The following ARHGAP20 variants were observed in gnomAD, a reference collection of about 807,000 sequenced individuals.
The protein encoded by ARHGAP20 is rho GTPase-activating protein 20.
ARHGAP20 carries 34 observed loss-of-function variants against 73.7 expected under a neutral mutation model. The observed-to-expected ratio is 0.46, with a 90% CI of 0.35 to 0.61. The LOEUF (loss-of-function observed/expected upper bound fraction) is 0.61, where lower values mean the gene tolerates loss of function less well. ARHGAP20 is among the 20% of genes least tolerant of loss of function. ARHGAP20 has a pLI of 0.00. For synonymous variants in ARHGAP20, 523 were observed against 518.2 expected (o/e 1.01, Z -0.13); for missense variants, 1,314 against 1,420.9 (o/e 0.92, Z 1.21).
At chr11:110,640,910 AT>A (rs1005197556) in intron 2 of ARHGAP20, among the ~76,000 whole-genome samples, 14 of 152,230 alleles carry the variant, frequency 9.2e-5, no homozygotes, top group Admixed American at 1.3e-4. Context: ...AATGAAAAAA[AT>A]AAATAATAAA....
chr11:110,674,721 T>G (rs1284348398), intron 2 of ARHGAP20, among the ~76,000 whole-genome samples: 2 of 152,094 alleles, frequency 1.3e-5, no homozygotes, highest in Admixed American at 6.6e-5. Flanking sequence ...CAAGGGATAC[T>G]CAACCCTTAT....
At chr11:110,586,358 A>C in intron 11 of ARHGAP20, 33 bp from the exon 12 acceptor site, 1 of 1,339,136 alleles carries the variant, frequency 7.5e-7, no homozygotes, top group Non-Finnish European at 1.0e-6. Context: ...TATTTCAAAT[A>C]ATTATCCTCA....
chr11:110,700,520 A>G (rs1950422971), intron 1 of ARHGAP20, among the ~76,000 whole-genome samples: 1 of 151,918 alleles, frequency 6.6e-6, no homozygotes, highest in African/African-American at 2.4e-5. Flanking sequence ...CCACTGAACA[A>G]TTATACTTCA....
At position 110,578,799 on chromosome 11, in the gene ARHGAP20, T is replaced by C. The variant is rs1260632457; in HGVS notation, c.*571A>G. On this transcript the variant is annotated 3_prime_UTR_variant, in exon 15 of 15. Transcript: ENST00000683387. Reference sequence around the variant, plus strand: ...CTAGCTGTAGCAATGGGCTGGTTCTTGGAATGATTCTGTAAGGACACGTGA... The same window carrying C: ...CTAGCTGTAGCAATGGGCTGGTTCTCGGAATGATTCTGTAAGGACACGTGA... The C allele has an allele frequency of 1.0e-6, 1 of 985,672 alleles. No individual in the cohort carries two copies. Among genetic ancestry groups the C allele is most frequent in the Non-Finnish European group, 1.2e-6 (1 of 829,986 alleles). The allele number at this position is 985,672 out of a possible 1,614,324, so 61.1% of individuals were successfully genotyped here.
chr11:110,678,687 G>T (rs776563983), intron 2 of ARHGAP20, among the ~76,000 whole-genome samples: 10 of 151,748 alleles, frequency 6.6e-5, no homozygotes, highest in Non-Finnish European at 1.2e-4. Context: ...TCTGAGACAG[G>T]GTCTCATTCT....
chr11:110,649,121 A>C (rs1949292053), intron 2 of ARHGAP20, among the ~76,000 whole-genome samples: 2 of 152,006 alleles, frequency 1.3e-5, no homozygotes, highest in African/African-American at 4.8e-5. Flanking sequence ...AAGTCTTAAA[A>C]TAAAAGCTTT....
At chr11:110,598,252 A>G (rs1270082039) in intron 9 of ARHGAP20, among the ~76,000 whole-genome samples, 1 of 151,450 alleles carries the variant, frequency 6.6e-6, no homozygotes. Context: ...CCCATATTTT[A>G]CCAGCCACCA....
rs1469564782 is a variant in ARHGAP20 at position 110,581,194 on chromosome 11, G to A, written c.1752C>T (p.Ser584=). 1 of 1,612,448 alleles carries A rather than the reference G, an allele frequency of 6.2e-7. No homozygotes were observed. The highest frequency in any genetic ancestry group is 2.2e-5 in the East Asian group (1 of 44,870). ...DISCFQLNDS[S]YDSLENELNE... ...TTAGCTCATTTTCCAAGCTGTCATA[G>A]GAGGAGTCATTCAGTTGAAAGCAAG... The change falls in exon 15 of 15, where the codon TCC becomes TCT. Residue 584 remains serine, a synonymous_variant. Coordinates refer to ENST00000683387, the MANE Select transcript of ARHGAP20 (RefSeq NM_001384657.1).
At chr11:110,606,881 G>T in intron 8 of ARHGAP20, 132 bp from the exon 9 acceptor site, 2 of 770,996 alleles carry the variant, frequency 2.6e-6, no homozygotes, top group Non-Finnish European at 3.8e-6. Flanking sequence ...TTGACAGAAT[G>T]ATCATTTACA....
chr11:110,696,502 G>C (rs12274985), intron 1 of ARHGAP20, among the ~76,000 whole-genome samples: 45,805 of 151,358 alleles, frequency 0.3, 7,721 homozygotes, highest in African/African-American at 0.47. Context: ...TTCAGTGGCT[G>C]TCCATTTGAG....
intron 12 of ARHGAP20, among the ~76,000 whole-genome samples, chr11:110,584,951 A>AATATATG (rs1555082391): frequency 1.1e-4 from 10 of 93,786 alleles, no homozygotes; most frequent in African/African-American, 9.9e-5. Flanking sequence ...ATATGAATAT[A>AATATATG]TGAATATATG....
intron 4 of ARHGAP20, among the ~76,000 whole-genome samples, chr11:110,618,119 C>T (rs1948526400): frequency 6.6e-6 from 1 of 151,990 alleles, no homozygotes; most frequent in African/African-American, 2.4e-5. Flanking sequence ...TATGGCAAAG[C>T]AGCAGAACAT....
intron 2 of ARHGAP20, among the ~76,000 whole-genome samples, chr11:110,689,159 C>T (rs77305004): frequency 0.15 from 22,719 of 151,744 alleles, 1,800 homozygotes; most frequent in South Asian, 0.29. Context: ...CCACCACGCC[C>T]GGTTAATATT....
At chr11:110,699,491 T>A (rs924270510) in intron 1 of ARHGAP20, among the ~76,000 whole-genome samples, 17 of 151,968 alleles carry the variant, frequency 1.1e-4, no homozygotes, top group African/African-American at 3.6e-4. Context: ...TCCAGTGATA[T>A]CAGTGGGGTG....
intron 2 of ARHGAP20, among the ~76,000 whole-genome samples, chr11:110,682,981 C>T (rs910249730): frequency 5.5e-5 from 8 of 144,198 alleles, no homozygotes; most frequent in African/African-American, 8.2e-5. Flanking sequence ...TTGTCTGTCC[C>T]TCCTCTCAGC....
At chr11:110,602,743 A>T (rs1376905513) in intron 9 of ARHGAP20, among the ~76,000 whole-genome samples, 2 of 152,188 alleles carry the variant, frequency 1.3e-5, no homozygotes, top group Non-Finnish European at 2.9e-5. Flanking sequence ...ACTAAAAAAC[A>T]AGGCAAGTGA....
At chr11:110,705,285 TC>T (rs1950532589) in intron 1 of ARHGAP20, among the ~76,000 whole-genome samples, 1 of 152,048 alleles carries the variant, frequency 6.6e-6, no homozygotes, top group Admixed American at 6.6e-5. Context: ...TTCTCAGCTC[TC>T]CCCCATCCAC....
chr11:110,620,461 A>G (rs1447109448), intron 4 of ARHGAP20, among the ~76,000 whole-genome samples: 1 of 152,138 alleles, frequency 6.6e-6, no homozygotes, highest in Non-Finnish European at 1.5e-5. Context: ...ACATTTACAA[A>G]AAATAGTTAT....
intron 2 of ARHGAP20, among the ~76,000 whole-genome samples, chr11:110,662,949 T>A (rs1199196488): frequency 7.9e-5 from 12 of 151,822 alleles, no homozygotes; most frequent in Non-Finnish European, 1.8e-4. Flanking sequence ...TTTTAAGCAA[T>A]CCTGTATACC....
Sources: allele counts gnomAD v4.1 joint callset (sites outside exome capture counted in the v4.1 genomes callset), GRCh38; gene constraint gnomAD v4.1.1; transcripts MANE v1.5; gene names NCBI Gene and HGNC (gene_info 2026-07-23, HGNC 2026-07-21).